Variants in LRP1B observed in about 807,000 individuals in gnomAD.
The protein encoded by LRP1B is low-density lipoprotein receptor-related protein 1B.
A neutral mutation model predicts 556.6 loss-of-function variants in LRP1B; 217 were observed. The ratio of observed to expected loss-of-function variants is 0.39; its 90% CI spans 0.35 to 0.44. The LOEUF is 0.44. Ranked by LOEUF, LRP1B falls within the 20% of genes least tolerant of loss-of-function variation. The pLI is 1.00. For missense variants in LRP1B, 5,053 were observed against 5,620.8 expected, an observed-to-expected ratio of 0.90 and a Z score of 3.23; for synonymous variants, 2,047 against 1,865.8, an observed-to-expected ratio of 1.10 and a Z score of -2.50.
chr2:140,683,433 T>C, intron 41 of LRP1B: 1 of 542,726 alleles, frequency 1.8e-6, no homozygotes, highest in Non-Finnish European at 3.6e-6. Flanking sequence ...AGGTGGATAG[T>C]GCCACCTGGG....
chr2:140,706,205 T>C (rs1250013052), intron 37 of LRP1B, among the ~76,000 whole-genome samples: 3 of 152,124 alleles, frequency 2.0e-5, no homozygotes, highest in Non-Finnish European at 4.4e-5. Context: ...CCTACTGATA[T>C]TAACATTGAC....
At position 141,365,654 on chromosome 2, in the gene LRP1B, G is replaced by GCTTTTTTTTTTTTTTTGGCT. The variant is rs1559031844; in HGVS notation, c.344-111014_344-111013insAGCCAAAAAAAAAAAAAAAG. ...ATTTTTGTTTTGGTTTGTTTTTGTT[G>GCTTTTTTTTTTTTTTTGGCT]CTTTTTTTTTTTTTTTGAGACAGAG... On this transcript the variant is annotated intron_variant, in intron 3 of 90. Transcript: ENST00000389484. Among the ~76,000 whole-genome samples, 265 of 131,652 alleles carry GCTTTTTTTTTTTTTTTGGCT rather than the reference G, an allele frequency of 2.0e-3. 3 individuals are homozygous for GCTTTTTTTTTTTTTTTGGCT. Among genetic ancestry groups the GCTTTTTTTTTTTTTTTGGCT allele is most frequent in the African/African-American group, 7.0e-3 (239 of 34,150 alleles). 86.4% of individuals were successfully genotyped at this position (131,652 alleles called of 152,430 possible). A position where few individuals can be genotyped will look rare whatever the true frequency, so the allele number is the denominator to read the frequency against.
intron 7 of LRP1B, among the ~76,000 whole-genome samples, chr2:141,179,175 A>T (rs1680882800): frequency 6.6e-6 from 1 of 152,030 alleles, no homozygotes; most frequent in Admixed American, 6.6e-5. Context: ...ATGAATCAGA[A>T]ACCTTATCAA....
chr2:140,286,148 T>A (rs1381467476), intron 84 of LRP1B, among the ~76,000 whole-genome samples: 1 of 151,874 alleles, frequency 6.6e-6, no homozygotes, highest in Non-Finnish European at 1.5e-5. Flanking sequence ...TTTGTTGAAT[T>A]AATAAATGAG....
chr2:141,252,192 C>A (rs1297950890), intron 4 of LRP1B, among the ~76,000 whole-genome samples: 2 of 144,498 alleles, frequency 1.4e-5, no homozygotes, highest in Non-Finnish European at 3.0e-5. Flanking sequence ...CTCACCCCCA[C>A]CACCCCCCAC....
chr2:141,544,755 T>C (rs1419149953), intron 2 of LRP1B, among the ~76,000 whole-genome samples: 1 of 151,994 alleles, frequency 6.6e-6, no homozygotes, highest in South Asian at 2.1e-4. Flanking sequence ...AGTTTTGACC[T>C]CCTGGGCTCA....
intron 41 of LRP1B, among the ~76,000 whole-genome samples, chr2:140,649,151 A>G (rs143181688): frequency 2.4e-4 from 37 of 152,300 alleles, no homozygotes; most frequent in African/African-American, 8.4e-4. Context: ...CCAACACTAC[A>G]TATGAGATAA....
chr2:140,691,339 C>T (rs1486166227), intron 41 of LRP1B, among the ~76,000 whole-genome samples: 1 of 151,926 alleles, frequency 6.6e-6, no homozygotes, highest in East Asian at 1.9e-4. Flanking sequence ...GGCGTGGAGG[C>T]ACATGCCTAT....
At chr2:141,514,902 C>T (rs957748588) in intron 2 of LRP1B, among the ~76,000 whole-genome samples, 5 of 152,140 alleles carry the variant, frequency 3.3e-5, no homozygotes, top group African/African-American at 1.2e-4. Flanking sequence ...ATGAATATTG[C>T]TTTTGCACCA....
chr2:140,503,844 G>A (rs561725904), intron 53 of LRP1B, among the ~76,000 whole-genome samples: 2 of 152,128 alleles, frequency 1.3e-5, no homozygotes, highest in South Asian at 4.1e-4. Context: ...TTTTAAGTGG[G>A]AGGGGGTAAG....
intron 2 of LRP1B, among the ~76,000 whole-genome samples, chr2:141,636,823 G>A (rs355604): frequency 0.034 from 5,181 of 151,872 alleles, 318 homozygotes; most frequent in African/African-American, 0.12. Context: ...ATGGCTAAAT[G>A]AATAAAGTAC....
At chr2:140,706,447 T>C (rs1559067266) in intron 37 of LRP1B, among the ~76,000 whole-genome samples, 1 of 152,164 alleles carries the variant, frequency 6.6e-6, no homozygotes, top group South Asian at 2.1e-4. Flanking sequence ...TTTGTTAAAC[T>C]AAAAAATGTT....
chr2:141,129,735 G>A (rs1178251333), intron 7 of LRP1B, among the ~76,000 whole-genome samples: 4 of 151,550 alleles, frequency 2.6e-5, no homozygotes, highest in South Asian at 2.1e-4. Context: ...GAAGATAATT[G>A]AATAAAATAG....
At chr2:141,917,856 A>G (rs1442811783) in intron 1 of LRP1B, among the ~76,000 whole-genome samples, 3 of 152,202 alleles carry the variant, frequency 2.0e-5, no homozygotes, top group Non-Finnish European at 2.9e-5. Flanking sequence ...AGTGTACCTG[A>G]AAGTATGTGT....
At chr2:141,321,352 T>G (rs1687234451) in intron 3 of LRP1B, among the ~76,000 whole-genome samples, 1 of 152,092 alleles carries the variant, frequency 6.6e-6, no homozygotes, top group African/African-American at 2.4e-5. Flanking sequence ...GCTAAAACAA[T>G]GTTATCAGAG....
intron 41 of LRP1B, among the ~76,000 whole-genome samples, chr2:140,631,663 C>A (rs1014205204): frequency 2.6e-5 from 4 of 152,016 alleles, no homozygotes; most frequent in Non-Finnish European, 4.4e-5. Flanking sequence ...AGAATAGCGA[C>A]ACAATTTTAA....
At chr2:140,785,178 C>A (rs749098801) in intron 32 of LRP1B, among the ~76,000 whole-genome samples, 39 of 152,124 alleles carry the variant, frequency 2.6e-4, no homozygotes, top group Non-Finnish European at 4.9e-4. Flanking sequence ...CAAATTATTT[C>A]CAATCTGGAT....
At chr2:141,446,246 T>A (rs1016922588) in intron 3 of LRP1B, among the ~76,000 whole-genome samples, 3 of 152,180 alleles carry the variant, frequency 2.0e-5, no homozygotes, top group African/African-American at 7.2e-5. Context: ...CTCTTTTTTT[T>A]GCTTTTGATT....
At chr2:140,999,417 C>A (rs1697346914) in intron 15 of LRP1B, among the ~76,000 whole-genome samples, 1 of 151,854 alleles carries the variant, frequency 6.6e-6, no homozygotes, top group South Asian at 2.1e-4. Context: ...AGAAAGAGAC[C>A]AACAGTCTCA....
Sources: gnomAD v4.1 joint callset for allele counts (sites outside exome capture counted in the v4.1 genomes callset) on GRCh38, gnomAD v4.1.1 for gene constraint, MANE v1.5 for transcripts, NCBI Gene and HGNC (gene_info 2026-07-23, HGNC 2026-07-21) for gene names.